Variants in TNC observed in about 807,000 individuals in gnomAD.
TNC encodes the protein tenascin C.
Under a neutral mutation model 202.4 loss-of-function variants are expected in TNC, and 109 were observed. The ratio of observed to expected loss-of-function variants is 0.54; its 90% CI spans 0.46 to 0.63. TNC has a LOEUF of 0.63. Among genes scored for constraint, TNC ranks in the 30% least tolerant of loss-of-function variants. TNC has a pLI of 0.00. For missense variants in TNC, 2,756 were observed against 2,833.3 expected (o/e 0.97, Z 0.62); for synonymous variants, 1,007 against 1,089.7 (o/e 0.92, Z 1.50).
chr9:115,079,386 G>T (rs1188528592), intron 6 of TNC, among the ~76,000 whole-genome samples: 1 of 152,172 alleles, frequency 6.6e-6, no homozygotes, highest in Non-Finnish European at 1.5e-5. Flanking sequence ...TGACACATCA[G>T]TCCCAGCTCA....
At chr9:115,041,304 A>AGC (rs369968281) in intron 18 of TNC, among the ~76,000 whole-genome samples, 29 of 106,910 alleles carry the variant, frequency 2.7e-4, no homozygotes, top group Middle Eastern at 5.7e-3. Context: ...CAAAGCCAGG[A>AGC]GGGGCGGGGG....
In TNC at chr9:115,038,290, C is replaced by A. The variant is rs903981244; in HGVS notation, c.5483G>T (p.Ser1828Ile). The A allele has an allele frequency of 2.5e-6, 4 of 1,613,962 alleles. No homozygotes were observed. In the African/African-American group the frequency reaches 5.3e-5, roughly 22 times the overall value. The change falls in exon 20 of 28, where the codon AGT (serine) becomes ATT (isoleucine). Residue 1828 changes from serine to isoleucine, a missense_variant. Physicochemically the swap from Ser to Ile is moderately radical, Grantham distance 142. This residue lies in a region of TNC where 2,559 missense variants were observed against 2,546.0 expected (regional missense o/e 1.01). Transcript: ENST00000350763. ...CTCGCCTGTGTAGGAGATGACATAA[C>A]TGTCCACAGTGGCAATGGCTGGCTG... The part of the protein sequence containing the change: ...RWQPAIATVD[S>I]YVISYTGEKV...
Position 115,033,581 on chromosome 9 carries a change from T to C in TNC, c.5787+1623A>G, listed in dbSNP as rs532939919. On this transcript the variant is annotated intron_variant, in intron 22 of 27. Coordinates refer to ENST00000350763, the MANE Select transcript of TNC (RefSeq NM_002160.4). The stretch of plus-strand genomic sequence containing the variant: ...TGGGAACACTGACACCCAGAGAAGA[T>C]AAAGGATTTGCTTCAGCTCACACAG... 7.9e-5 allele frequency among the ~76,000 whole-genome samples: 12 copies of C among 152,276 alleles called. No homozygotes were observed. In the South Asian group the frequency reaches 2.5e-3, roughly 32 times the overall value.
intron 1 of TNC, 40 bp from the exon 2 acceptor site, chr9:115,091,194 T>C: frequency 1.7e-6 from 1 of 590,994 alleles, no homozygotes; most frequent in African/African-American, 1.9e-5. Context: ...GAGTATCTAC[T>C]ATTGAATATA....
At chr9:115,072,303 G>C (rs1476305336) in intron 10 of TNC, among the ~76,000 whole-genome samples, 2 of 152,220 alleles carry the variant, frequency 1.3e-5, no homozygotes, top group Non-Finnish European at 2.9e-5. Flanking sequence ...AGATGACTTT[G>C]AGAATGGAAG....
Position 115,076,556 on chromosome 9 carries a change from A to G in TNC, c.2694T>C (p.Asn898=), listed in dbSNP as rs912276095. Residue 898 remains asparagine, a synonymous_variant, in exon 8 of 28, where the codon AAT becomes AAC. Transcript: ENST00000350763. ...TFTTGLDAPR[N]LRRVSQTDNS... ...TATCTGTCTGGGAAACACGTCGAAGATTCCTGGGAGCATCGAGGCCTGTTT... is the reference window on the plus strand; with the variant it reads ...TATCTGTCTGGGAAACACGTCGAAGGTTCCTGGGAGCATCGAGGCCTGTTT... 1 of 1,614,088 alleles carries G rather than the reference A, an allele frequency of 6.2e-7. No individual in the cohort carries two copies. The highest frequency in any genetic ancestry group is 8.5e-7 in the Non-Finnish European group (1 of 1,180,044).
At chr9:115,029,336 T>C in intron 25 of TNC, 24 bp downstream of exon 25, 2 of 1,606,140 alleles carry the variant, frequency 1.2e-6, no homozygotes, top group South Asian at 1.1e-5. Context: ...GCATTTTAGA[T>C]ATAAACATGC....
intron 1 of TNC, among the ~76,000 whole-genome samples, chr9:115,108,549 T>A (rs551427939): frequency 2.0e-5 from 3 of 152,348 alleles, no homozygotes; most frequent in South Asian, 4.1e-4. Context: ...CCAGTCATTG[T>A]TTATGCCCTT....
rs181668470 is a variant in TNC, at chr9:115,081,803, C to T, written c.2373G>A (p.Arg791=). Residue 791 remains arginine (R), a synonymous_variant, in exon 6 of 28, where the codon CGG becomes CGA. Transcript: ENST00000350763. ...TGGTCACCCTCTTCAGGCCAGGGCC[C>T]CGGGTATTGTTTTTCACTATGTGCA... ...ISLHIVKNNT[R]GPGLKRVTTT... The T allele has an allele frequency of 1.0e-3, 1,634 of 1,613,652 alleles. 18 individuals are homozygous for T. The South Asian group carries it at 0.013, about 12-fold the overall frequency.
At chr9:115,078,444 A>C (rs1834050989) in intron 6 of TNC, among the ~76,000 whole-genome samples, 1 of 152,070 alleles carries the variant, frequency 6.6e-6, no homozygotes. Context: ...TAAGAGAGAT[A>C]AAGCTTGCAA....
intron 23 of TNC, among the ~76,000 whole-genome samples, chr9:115,030,645 A>G (rs1471881754): frequency 6.6e-6 from 1 of 152,232 alleles, no homozygotes; most frequent in East Asian, 1.9e-4. Context: ...CTGAGGTTGT[A>G]TCATGAGCTG....
intron 20 of TNC, among the ~76,000 whole-genome samples, chr9:115,036,910 G>A (rs1286203452): frequency 6.6e-6 from 1 of 152,118 alleles, no homozygotes; most frequent in Non-Finnish European, 1.5e-5. Flanking sequence ...CCAGGCAAGC[G>A]GGGACAAGTT....
chr9:115,057,510 G>T, intron 14 of TNC, 85 bp from the exon 15 acceptor site: 1 of 1,354,618 alleles, frequency 7.4e-7, no homozygotes, highest in Non-Finnish European at 1.0e-6. Context: ...GTTGTTAATA[G>T]AACCATTGCT....
Position 115,021,017 on chromosome 9 carries a change from C to T in TNC, c.*140G>A, listed in dbSNP as rs559391156. ...TGAGGCCCATGCTGTTGCCGTTGGC[C>T]CCAGGGATCCATGGTCAGCTTTGAC... On this transcript the variant is annotated 3_prime_UTR_variant, in exon 28 of 28. Transcript: ENST00000350763. 3 of 642,364 alleles carry T rather than the reference C, an allele frequency of 4.7e-6. No individual in the cohort carries two copies. In the African/African-American group the frequency reaches 5.5e-5, roughly 12 times the overall value. The allele number at this position is 642,364 out of a possible 1,614,324, so 39.8% of individuals were successfully genotyped here.
At position 115,041,304 on chromosome 9, in the gene TNC, A is replaced by C. The variant is rs62578746; in HGVS notation, c.5249-220T>G. Among the ~76,000 whole-genome samples, 17,703 of 106,284 alleles carry C rather than the reference A, an allele frequency of 0.17. 1,427 individuals are homozygous for C. The highest frequency in any genetic ancestry group is 0.22 in the Non-Finnish European group (11,105 of 51,130). The allele number at this position is 106,284 out of a possible 152,430, so 69.7% of individuals were successfully genotyped here. On this transcript the variant is annotated intron_variant, in intron 18 of 27. Coordinates refer to ENST00000350763, the MANE Select transcript of TNC (RefSeq NM_002160.4). ...TGCAGATGCCAAAAACAAAGCCAGG[A>C]GGGGCGGGGGAAAACATGAAGTCAC...
chr9:115,062,640 TAC>T (rs980566429), intron 13 of TNC, among the ~76,000 whole-genome samples: 1 of 150,562 alleles, frequency 6.6e-6, no homozygotes, highest in Non-Finnish European at 1.5e-5. Context: ...TATCTATATA[TAC>T]ACACACACAT....
rs759737532 is a variant in TNC at position 115,024,140 on chromosome 9, GGA to G, written c.6332-6_6332-5del. 1 of 1,611,394 alleles carries G rather than the reference GGA, an allele frequency of 6.2e-7. No individual in the cohort carries two copies. The highest frequency in any genetic ancestry group is 8.5e-7 in the Non-Finnish European group (1 of 1,177,788). The stretch of plus-strand genomic sequence containing the variant: ...TTGTGGTAGGCCATGGAGTCACCTG[GGA>G]GAGACAGAAAATATGGACCTGAGAA... On this transcript the variant is annotated splice_region_variant and splice_polypyrimidine_tract_variant and intron_variant, in intron 26 of 27. Transcript: ENST00000350763.
At chr9:115,055,090 A>C (rs977089772) in intron 15 of TNC, among the ~76,000 whole-genome samples, 2 of 152,146 alleles carry the variant, frequency 1.3e-5, no homozygotes, top group Non-Finnish European at 2.9e-5. Context: ...AATGGCATGC[A>C]CATACCTCTT....
chr9:115,059,692 A>G, intron 14 of TNC, 38 bp downstream of exon 14: 1 of 1,533,318 alleles, frequency 6.5e-7, no homozygotes, highest in Non-Finnish European at 8.8e-7. Flanking sequence ...GGAAGCAAAG[A>G]ACCTTGGGGA....
Sources: allele counts gnomAD v4.1 joint callset (sites outside exome capture counted in the v4.1 genomes callset), GRCh38; gene constraint gnomAD v4.1.1; regional missense constraint gnomAD v4.1.1; transcripts MANE v1.5; gene names NCBI Gene and HGNC (gene_info 2026-07-23, HGNC 2026-07-21).